The following DOCK4 variants were observed in gnomAD, a reference collection of about 807,000 sequenced individuals.
DOCK4 encodes the protein dedicator of cytokinesis protein 4.
DOCK4 carries 97 observed loss-of-function variants against 268.1 expected under a neutral mutation model. The observed-to-expected ratio is 0.36, with a 90% CI of 0.31 to 0.43. DOCK4 has a LOEUF of 0.43. Ranked by LOEUF, DOCK4 falls within the 20% of genes least tolerant of loss-of-function variation. The pLI is 1.00. For missense variants in DOCK4, 2,145 were observed against 2,455.7 expected, an observed-to-expected ratio of 0.87 and a Z score of 2.67; for synonymous variants, 954 against 887.2, an observed-to-expected ratio of 1.08 and a Z score of -1.34.
intron 1 of DOCK4, among the ~76,000 whole-genome samples, chr7:112,190,165 G>C (rs1210196167): frequency 1.3e-5 from 2 of 152,008 alleles, no homozygotes; most frequent in African/African-American, 4.8e-5. Context: ...CTCATCCAAG[G>C]AACCCATTCA....
chr7:112,009,202 T>C (rs1166402145), intron 1 of DOCK4, among the ~76,000 whole-genome samples: 1 of 152,166 alleles, frequency 6.6e-6, no homozygotes, highest in Non-Finnish European at 1.5e-5. Flanking sequence ...AAGAAATCAT[T>C]AAAATGCTTT....
chr7:111,934,304 A>G (rs2134702863), intron 12 of DOCK4, among the ~76,000 whole-genome samples: 1 of 152,314 alleles, frequency 6.6e-6, no homozygotes, highest in Non-Finnish European at 1.5e-5. Context: ...AGTATATACT[A>G]TATGTTACTA....
At chr7:111,793,850 T>TA (rs1346551386) in intron 30 of DOCK4, among the ~76,000 whole-genome samples, 2 of 151,918 alleles carry the variant, frequency 1.3e-5, no homozygotes, top group African/African-American at 2.4e-5. Flanking sequence ...ACCTCATCTG[T>TA]AAAAAAATAC....
At chr7:112,129,301 A>G (rs1813578274) in intron 1 of DOCK4, among the ~76,000 whole-genome samples, 1 of 152,240 alleles carries the variant, frequency 6.6e-6, no homozygotes, top group Non-Finnish European at 1.5e-5. Context: ...TTCCATTTAT[A>G]TAACATTCTG....
At chr7:112,063,802 C>T (rs887163250) in intron 1 of DOCK4, among the ~76,000 whole-genome samples, 6 of 152,296 alleles carry the variant, frequency 3.9e-5, no homozygotes, top group Non-Finnish European at 4.4e-5. Context: ...TTATGTTTTA[C>T]AGTGTTGTCA....
chr7:111,841,174 T>C (rs1586145935), intron 25 of DOCK4, among the ~76,000 whole-genome samples: 1 of 152,200 alleles, frequency 6.6e-6, no homozygotes, highest in East Asian at 1.9e-4. Context: ...TATTTATTTA[T>C]TTATTTATGA....
At chr7:111,869,486 T>C in intron 21 of DOCK4, 88 bp downstream of exon 21, 2 of 1,129,850 alleles carry the variant, frequency 1.8e-6, no homozygotes, top group Non-Finnish European at 2.7e-6. Context: ...CATCACCCAT[T>C]ACTGTCTGTG....
chr7:111,913,408 ATTT>A (rs560484859), intron 13 of DOCK4, among the ~76,000 whole-genome samples: 6 of 132,554 alleles, frequency 4.5e-5, no homozygotes, highest in Admixed American at 7.6e-5. Context: ...CATCTTTACA[ATTT>A]TTTTTTTTTT....
intron 6 of DOCK4, 139 bp downstream of exon 6, chr7:111,988,876 G>A (rs769028888): frequency 5.6e-5 from 69 of 1,236,160 alleles, no homozygotes; most frequent in South Asian, 3.1e-4. Flanking sequence ...ATGCCAGTTC[G>A]CACTAAGCCT....
At chr7:112,080,685 C>G (rs1228730329) in intron 1 of DOCK4, among the ~76,000 whole-genome samples, 2 of 152,148 alleles carry the variant, frequency 1.3e-5, no homozygotes, top group Non-Finnish European at 2.9e-5. Flanking sequence ...TTGTTTTCAC[C>G]TCTGTTAGAT....
At chr7:111,736,516 C>T (rs1795489525) in intron 50 of DOCK4, among the ~76,000 whole-genome samples, 1 of 152,150 alleles carries the variant, frequency 6.6e-6, no homozygotes, top group Non-Finnish European at 1.5e-5. Context: ...ACAAACAACA[C>T]ATGAGTTGGC....
intron 1 of DOCK4, among the ~76,000 whole-genome samples, chr7:112,036,199 A>T (rs1409680040): frequency 6.6e-6 from 1 of 152,168 alleles, no homozygotes; most frequent in Non-Finnish European, 1.5e-5. Context: ...TAGCACATCC[A>T]TGAGTCTTTC....
At chr7:111,767,225 A>AAC in intron 37 of DOCK4, 107 bp from the exon 38 acceptor site, 1 of 779,220 alleles carries the variant, frequency 1.3e-6, no homozygotes, top group Non-Finnish European at 2.0e-6. Context: ...TTACTCCTTA[A>AAC]TCTTTTTTTT....
Position 111,951,207 on chromosome 7 carries a change from A to G in DOCK4, c.702-5409T>C, listed in dbSNP as rs1796021024. On this transcript the variant is annotated intron_variant, in intron 8 of 52. Transcript: ENST00000428084. ...ATGAAATCAGGATAATGAAATAAGAACATAAATAAGCATTCCTGGAAAAAA... is the reference window on the plus strand; with the variant it reads ...ATGAAATCAGGATAATGAAATAAGAGCATAAATAAGCATTCCTGGAAAAAA... 3.9e-5 allele frequency among the ~76,000 whole-genome samples: 6 copies of G among 152,234 alleles called. No homozygotes were observed. In the South Asian group the frequency reaches 1.2e-3, roughly 32 times the overall value.
rs572315700 is a variant in DOCK4 at position 111,951,686 on chromosome 7, A to G, written c.702-5888T>C. 1.3e-4 allele frequency among the ~76,000 whole-genome samples: 19 copies of G among 151,804 alleles called. No individual in the cohort carries two copies. The East Asian group carries it at 3.5e-3, about 28-fold the overall frequency. On this transcript the variant is annotated intron_variant, in intron 8 of 52. Transcript: ENST00000428084. ...AAAGAAGAAGAAAGAAAGAAAGAAA[A>G]AAATTAGCCAAGCATGGTGGCACAT...
chr7:111,780,976 G>C (rs1798753182), intron 35 of DOCK4, among the ~76,000 whole-genome samples: 1 of 152,196 alleles, frequency 6.6e-6, no homozygotes, highest in Admixed American at 6.5e-5. Flanking sequence ...CAAGTGGTTA[G>C]TAATGGGGCT....
At chr7:111,750,679 C>T (rs1370201763) in intron 42 of DOCK4, among the ~76,000 whole-genome samples, 1 of 152,124 alleles carries the variant, frequency 6.6e-6, no homozygotes, top group African/African-American at 2.4e-5. Flanking sequence ...AAGCTTGATG[C>T]TGGGAGGGGT....
Position 111,783,849 on chromosome 7 carries a change from T to C in DOCK4, c.3524+8A>G, listed in dbSNP as rs1798965931. On this transcript the variant is annotated splice_region_variant and intron_variant, in intron 34 of 52. Transcript: ENST00000428084. ...CTGGAGTTCAGAAAAACATGCGACT[T>C]GGCTTACCTGTAATCTAACAACCTC... is the stretch of plus-strand genomic sequence containing the variant. 6.3e-7 allele frequency: 1 copy of C among 1,592,824 alleles called. No homozygotes were observed.
chr7:112,140,883 T>C (rs1814856711), intron 1 of DOCK4, among the ~76,000 whole-genome samples: 1 of 152,178 alleles, frequency 6.6e-6, no homozygotes, highest in Non-Finnish European at 1.5e-5. Flanking sequence ...AGAACCTGCA[T>C]TCACACCTGA....
Sources: allele counts gnomAD v4.1 joint callset (sites outside exome capture counted in the v4.1 genomes callset), GRCh38; gene constraint gnomAD v4.1.1; transcripts MANE v1.5; gene names NCBI Gene and HGNC (gene_info 2026-07-23, HGNC 2026-07-21).